NOL4L: variants seen among roughly 807,000 people sequenced by gnomAD.
NOL4L encodes nucleolar protein 4 like.
In NOL4L, 7 loss-of-function variants were observed where a neutral mutation model predicts 64.5. The ratio of observed to expected loss-of-function variants is 0.11; its 90% CI spans 0.06 to 0.20. The LOEUF (loss-of-function observed/expected upper bound fraction) is 0.20. Ranked by LOEUF, NOL4L falls within the 10% of genes least tolerant of loss-of-function variation. The probability of loss-of-function intolerance (pLI) is 1.00; values close to 1 mark genes in which losing one functional copy is unlikely to be tolerated. For synonymous variants in NOL4L, 413 were observed against 401.0 expected (o/e 1.03, Z -0.36); for missense variants, 680 against 967.1 (o/e 0.70, Z 3.94).
chr20:32,443,256 A>G lies in NOL4L; in HGVS notation c.*4340T>C, dbSNP rs1010613643. 2 of 152,218 alleles carry G rather than the reference A, an allele frequency of 1.3e-5. No homozygotes were observed. Among genetic ancestry groups the G allele is most frequent in the African/African-American group, 2.4e-5 (1 of 41,440 alleles). The allele number at this position is 152,218 out of a possible 1,614,324, so 9.4% of individuals were successfully genotyped here. The stretch of plus-strand genomic sequence containing the variant: ...GGAGTCGGCCTGTGCTAGTCATTCC[A>G]CAAACAAAACAGAATTTAGTCACAT... On this transcript the variant is annotated 3_prime_UTR_variant, in exon 11 of 11. Transcript: ENST00000621426.
At chr20:32,515,639 G>A (rs1227207523) in intron 3 of NOL4L, among the ~76,000 whole-genome samples, 2 of 152,172 alleles carry the variant, frequency 1.3e-5, no homozygotes, top group Non-Finnish European at 2.9e-5. Context: ...AAGGTCAGGT[G>A]GAAACGTGAA....
chr20:32,491,913 C>T (rs919374575), intron 4 of NOL4L, among the ~76,000 whole-genome samples: 4 of 152,130 alleles, frequency 2.6e-5, no homozygotes, highest in East Asian at 1.9e-4. Context: ...GTCTGGAGTT[C>T]GAGATAAGCC....
chr20:32,575,920 A>T (rs1980074253), intron 1 of NOL4L, among the ~76,000 whole-genome samples: 1 of 152,162 alleles, frequency 6.6e-6, no homozygotes, highest in Non-Finnish European at 1.5e-5. Context: ...CCATGCAGAG[A>T]TCTGAAGAAA....
intron 1 of NOL4L, among the ~76,000 whole-genome samples, chr20:32,545,950 C>CTTTTTTTTT (rs11327665): frequency 7.5e-6 from 1 of 133,932 alleles, no homozygotes; most frequent in Non-Finnish European, 1.6e-5. Flanking sequence ...TCTTTCTTTT[C>CTTTTTTTTT]TTTTTTTTTT....
chr20:32,457,762 C>T (rs115843722), intron 5 of NOL4L, among the ~76,000 whole-genome samples: 2,358 of 152,324 alleles, frequency 0.015, 70 homozygotes, highest in African/African-American at 0.054. Flanking sequence ...TCCATCCTCC[C>T]GCAGGGCAGC....
chr20:32,524,313 T>C (rs969675496), intron 2 of NOL4L, among the ~76,000 whole-genome samples: 1 of 152,022 alleles, frequency 6.6e-6, no homozygotes, highest in Non-Finnish European at 1.5e-5. Flanking sequence ...AGGGACTTCC[T>C]ACTCGAAATG....
chr20:32,530,312 C>T (rs560318178), intron 1 of NOL4L, among the ~76,000 whole-genome samples: 139 of 152,248 alleles, frequency 9.1e-4, no homozygotes, highest in African/African-American at 3.2e-3. Context: ...GAGGCCAAGG[C>T]GGGTGGATCA....
At chr20:32,572,683 T>A (rs1979827212) in intron 1 of NOL4L, among the ~76,000 whole-genome samples, 1 of 151,930 alleles carries the variant, frequency 6.6e-6, no homozygotes, top group South Asian at 2.1e-4. Context: ...CTTGGCGCCG[T>A]CCCTCTGACC....
At chr20:32,576,873 C>T (rs1055062844) in intron 1 of NOL4L, among the ~76,000 whole-genome samples, 1 of 152,168 alleles carries the variant, frequency 6.6e-6, no homozygotes, top group South Asian at 2.1e-4. Context: ...AGAAAGCTTA[C>T]GTGGGGTGCC....
chr20:32,457,516 C>A (rs2013662845), intron 5 of NOL4L, among the ~76,000 whole-genome samples: 1 of 151,628 alleles, frequency 6.6e-6, no homozygotes. Context: ...GTGCTGGGCA[C>A]TGGGCACGCG....
chr20:32,457,048 A>G (rs2013604256), intron 5 of NOL4L, among the ~76,000 whole-genome samples: 1 of 152,166 alleles, frequency 6.6e-6, no homozygotes, highest in Non-Finnish European at 1.5e-5. Context: ...CGGGGCTGCA[A>G]GGTCTGGGGT....
chr20:32,561,904 G>A (rs1018684666), intron 1 of NOL4L, among the ~76,000 whole-genome samples: 21 of 152,234 alleles, frequency 1.4e-4, no homozygotes, highest in African/African-American at 4.8e-4. Context: ...TGGGAGGATC[G>A]CTTGAGCTTG....
At chr20:32,538,685 C>G (rs922059676) in intron 1 of NOL4L, among the ~76,000 whole-genome samples, 1 of 152,196 alleles carries the variant, frequency 6.6e-6, no homozygotes, top group Admixed American at 6.5e-5. Context: ...TCCAACCTCA[C>G]CGTTTCCTGC....
At chr20:32,456,444 A>C in intron 5 of NOL4L, 49 bp from the exon 6 acceptor site, 2 of 1,417,362 alleles carry the variant, frequency 1.4e-6, no homozygotes, top group Non-Finnish European at 1.9e-6. Context: ...CACTGTGGCC[A>C]CTGCAGCCAC....
At chr20:32,576,882 C>T (rs1000267532) in intron 1 of NOL4L, among the ~76,000 whole-genome samples, 2 of 152,192 alleles carry the variant, frequency 1.3e-5, no homozygotes, top group African/African-American at 4.8e-5. Flanking sequence ...ACGTGGGGTG[C>T]CCTCACTAAA....
intron 1 of NOL4L, among the ~76,000 whole-genome samples, chr20:32,557,693 CAG>C (rs1176529250): frequency 1.3e-5 from 2 of 152,236 alleles, no homozygotes; most frequent in Non-Finnish European, 2.9e-5. Flanking sequence ...AAACCAGTCA[CAG>C]GGGAACCTTC....
intron 4 of NOL4L, chr20:32,483,357 C>G: frequency 2.0e-6 from 2 of 984,436 alleles, no homozygotes; most frequent in South Asian, 4.7e-5. Context: ...GGCCGGACTC[C>G]GTACCTGGGC....
rs546007786 is a variant in NOL4L at position 32,464,346 on chromosome 20, C to A, written c.842-7951G>T. Among the ~76,000 whole-genome samples, 1 of 152,322 alleles carries A rather than the reference C, an allele frequency of 6.6e-6. No homozygotes were observed. The highest frequency in any genetic ancestry group is 1.9e-4 in the East Asian group (1 of 5,180). On this transcript the variant is annotated intron_variant, in intron 5 of 10. Transcript: ENST00000621426. The surrounding 1 kb of genome is among the most constrained non-coding windows in gnomAD (Gnocchi z 5.6). ...AGGGGTCAAATGGGGGACACTAGGA[C>A]CCTACCATCCGGGTGATGGGGCCAC...
intron 1 of NOL4L, among the ~76,000 whole-genome samples, chr20:32,559,218 C>T (rs1286664511): frequency 4.6e-5 from 7 of 152,178 alleles, no homozygotes; most frequent in African/African-American, 1.2e-4. Context: ...CTGCTTTCCT[C>T]TCTGGACTCC....
Sources: gnomAD v4.1 joint callset for allele counts (sites outside exome capture counted in the v4.1 genomes callset) on GRCh38, gnomAD v4.1.1 for gene constraint, Gnocchi (gnomAD v3.1) non-coding constraint, MANE v1.5 for transcripts, NCBI Gene and HGNC (gene_info 2026-07-23, HGNC 2026-07-21) for gene names.